Variants in CFAP47 observed in about 807,000 individuals in gnomAD.
CFAP47 encodes cilia- and flagella-associated protein 47.
A neutral mutation model predicts 148.1 loss-of-function variants in CFAP47; 29 were observed. The ratio of observed to expected loss-of-function variants is 0.20; its 90% CI spans 0.15 to 0.27. CFAP47 has a LOEUF of 0.27. Ranked by LOEUF, CFAP47 falls within the 10% of genes least tolerant of loss-of-function variation. CFAP47 has a pLI of 1.00. For missense variants in CFAP47, 1,872 were observed against 1,697.5 expected (o/e 1.10, Z -1.81); for synonymous variants, 664 against 577.3 (o/e 1.15, Z -2.15).
intron 30 of CFAP47, among the ~76,000 whole-genome samples, chrX:36,089,774 C>T (rs977059845): frequency 3.0e-4 from 33 of 111,591 alleles, no homozygotes; most frequent in Non-Finnish European, 4.3e-4. Flanking sequence ...AACAAACCCC[C>T]GTGATACAAG....
At chrX:36,329,584 T>G (rs2146971546) in intron 57 of CFAP47, among the ~76,000 whole-genome samples, 1 of 112,392 alleles carries the variant, frequency 8.9e-6, no homozygotes, top group African/African-American at 3.2e-5. Flanking sequence ...TTCTGATAAG[T>G]GTACATTTTC....
intron 57 of CFAP47, among the ~76,000 whole-genome samples, chrX:36,343,920 AT>A (rs782672808): frequency 2.2e-3 from 235 of 109,047 alleles, no homozygotes; most frequent in African/African-American, 7.8e-3. Context: ...ATGATTTCCA[AT>A]TTCATCCATG....
At chrX:36,109,786 T>TTTTA (rs1194739435) in intron 33 of CFAP47, among the ~76,000 whole-genome samples, 1 of 111,882 alleles carries the variant, frequency 8.9e-6, no homozygotes, top group African/African-American at 3.3e-5. Flanking sequence ...CTTTTTGACT[T>TTTTA]TTTAATAAGA....
intron 31 of CFAP47, among the ~76,000 whole-genome samples, chrX:36,099,407 C>A (rs904310714): frequency 2.7e-5 from 3 of 109,174 alleles, no homozygotes; most frequent in African/African-American, 1.0e-4. Context: ...AGTAGAGAAC[C>A]AGGTGCCTGC....
rs782589743 is a variant in CFAP47, at chrX:36,371,728, A to ATG, written c.9185+4607_9185+4608dup. Among the ~76,000 whole-genome samples, 2 of 49,358 alleles carry ATG rather than the reference A, an allele frequency of 4.1e-5. 1 individual carries two copies. Among genetic ancestry groups the ATG allele is most frequent in the Non-Finnish European group, 7.1e-5 (2 of 28,089 alleles). The allele number at this position is 49,358 out of a possible 115,157, so 42.9% of individuals were successfully genotyped here. ...TGTATATATGTGTGTATATACACAC[A>ATG]TGTGTGTATATATGTGTGTATATAC... On this transcript the variant is annotated intron_variant, in intron 62 of 63. Coordinates refer to ENST00000378653, the MANE Select transcript of CFAP47 (RefSeq NM_001304548.2).
At chrX:36,149,393 T>G (rs1939278320) in intron 37 of CFAP47, among the ~76,000 whole-genome samples, 170 bp downstream of exon 37, 1 of 110,843 alleles carries the variant, frequency 9.0e-6, no homozygotes, top group Admixed American at 9.7e-5. Context: ...ACCAAAGTTG[T>G]TGAAACAATT....
In CFAP47 at chrX:36,020,774, G is replaced by A. The variant is rs779495641; in HGVS notation, c.3556+5862G>A. Among the ~76,000 whole-genome samples the A allele has an allele frequency of 9.0e-5, 10 of 111,634 alleles. No homozygotes were observed. The East Asian group carries it at 2.8e-3, about 32-fold the overall frequency. ...TTGCTTATAGGCAGCAGGTCACTGG[G>A]TCTTGTACTTTTATCCATTCAGCCA... On this transcript the variant is annotated intron_variant, in intron 22 of 63. Coordinates refer to ENST00000378653, the MANE Select transcript of CFAP47 (RefSeq NM_001304548.2).
At chrX:36,248,867 C>CA (rs1234913904) in intron 48 of CFAP47, among the ~76,000 whole-genome samples, 3 of 110,187 alleles carry the variant, frequency 2.7e-5, no homozygotes, top group Non-Finnish European at 3.8e-5. Context: ...AATTAGAAGT[C>CA]AAAAATGGAA....
rs1301218288 is a variant in CFAP47 at position 36,015,601 on chromosome X, A to G, written c.3556+689A>G. On this transcript the variant is annotated intron_variant, in intron 22 of 63. Transcript: ENST00000378653. Reference sequence around the variant, plus strand: ...TTTGGTAACTAGTAAGAGAGGTCTCACGAAAATAGCATGCAGATGATAAAA... The same window carrying G: ...TTTGGTAACTAGTAAGAGAGGTCTCGCGAAAATAGCATGCAGATGATAAAA... Among the ~76,000 whole-genome samples, 9 of 111,628 alleles carry G rather than the reference A, an allele frequency of 8.1e-5. No homozygotes were observed. In the East Asian group the frequency reaches 2.5e-3, roughly 31 times the overall value.
chrX:36,132,533 G>A (rs1257814570), intron 33 of CFAP47, among the ~76,000 whole-genome samples: 2 of 111,721 alleles, frequency 1.8e-5, no homozygotes, highest in Non-Finnish European at 3.8e-5. Flanking sequence ...CAAATCCTTA[G>A]AGGGAGTATA....
intron 56 of CFAP47, among the ~76,000 whole-genome samples, chrX:36,314,734 TGAGA>T (rs1358510624): frequency 2.7e-5 from 3 of 109,605 alleles, no homozygotes; most frequent in East Asian, 2.8e-4. Context: ...CCTACCTATC[TGAGA>T]GAGAGAGAGA....
In CFAP47 at chrX:36,138,088, A is replaced by G. The variant is rs567069297; in HGVS notation, c.5418+33A>G. 111 of 620,852 alleles carry G rather than the reference A, an allele frequency of 1.8e-4. 1 individual carries two copies. In the South Asian group the frequency reaches 2.9e-3, roughly 16 times the overall value. 51.2% of individuals were successfully genotyped at this position (620,852 alleles called of 1,213,427 possible). On this transcript the variant is annotated intron_variant, in intron 34 of 63. Coordinates refer to ENST00000378653, the MANE Select transcript of CFAP47 (RefSeq NM_001304548.2). ...TCGTTTTTATGCATAATGATCTTCTATTATTTAAAAAAACTTAGTGATTAA... is the reference window on the plus strand; with the variant it reads ...TCGTTTTTATGCATAATGATCTTCTGTTATTTAAAAAAACTTAGTGATTAA...
intron 63 of CFAP47, among the ~76,000 whole-genome samples, chrX:36,381,653 A>T (rs1187822069): frequency 9.0e-6 from 1 of 111,204 alleles, no homozygotes; most frequent in Admixed American, 9.7e-5. Context: ...ACTAAAGTTT[A>T]CTTATTTAGT....
chrX:36,080,167 A>G (rs111455942), intron 29 of CFAP47, among the ~76,000 whole-genome samples: 2,916 of 112,173 alleles, frequency 0.026, 93 homozygotes, highest in African/African-American at 0.09. Flanking sequence ...GCAGCCAACA[A>G]ACACATGAAA....
At chrX:35,985,848 C>T (rs375994348) in intron 15 of CFAP47, 7 of 248,367 alleles carry the variant, frequency 2.8e-5, no homozygotes, top group Admixed American at 2.8e-4. Flanking sequence ...CATGCCAAAC[C>T]CTCGGGGCTC....
At chrX:35,940,069 G>GT (rs1207329972) in intron 2 of CFAP47, among the ~76,000 whole-genome samples, 1 of 111,391 alleles carries the variant, frequency 9.0e-6, no homozygotes, top group African/African-American at 3.3e-5. Context: ...TTTTTCATGT[G>GT]TTTTTTGGCT....
rs191055266 is a variant in CFAP47, at chrX:36,104,252, G to A, written c.5128-247G>A. 8.9e-5 allele frequency among the ~76,000 whole-genome samples: 10 copies of A among 111,776 alleles called. No individual in the cohort carries two copies. The East Asian group carries it at 2.8e-3, about 32-fold the overall frequency. ...CAGTTATGTTTTAAATGTACAATAA[G>A]CCTCTTGTAAATTATACAGTGTAGT... On this transcript the variant is annotated intron_variant, in intron 32 of 63. Coordinates refer to ENST00000378653, the MANE Select transcript of CFAP47 (RefSeq NM_001304548.2).
chrX:36,163,671 G>A (rs1481320248), intron 39 of CFAP47, among the ~76,000 whole-genome samples: 8 of 111,353 alleles, frequency 7.2e-5, no homozygotes, highest in African/African-American at 2.3e-4. Flanking sequence ...GTGCAATGGC[G>A]TGATCTCGGC....
chrX:36,168,457 T>C (rs1328148882), intron 39 of CFAP47, among the ~76,000 whole-genome samples: 8 of 112,514 alleles, frequency 7.1e-5, no homozygotes, highest in Admixed American at 6.6e-4. Context: ...GTATCTGCAA[T>C]GTATCTCTTT....
Sources: gnomAD v4.1 joint callset for allele counts (sites outside exome capture counted in the v4.1 genomes callset) on GRCh38, gnomAD v4.1.1 for gene constraint, MANE v1.5 for transcripts, NCBI Gene and HGNC (gene_info 2026-07-23, HGNC 2026-07-21) for gene names.